Variants in CMIP observed in about 807,000 individuals in gnomAD.
CMIP encodes c-Maf inducing protein.
CMIP carries 13 observed loss-of-function variants against 97.3 expected under a neutral mutation model. That is an observed-to-expected ratio of 0.13 (90% CI 0.09 to 0.21). The LOEUF is 0.21. Ranked by LOEUF, CMIP falls within the 10% of genes least tolerant of loss-of-function variation. The pLI, the probability that CMIP is intolerant of heterozygous loss-of-function variation, is 1.00. For synonymous variants in CMIP, 538 were observed against 436.3 expected (o/e 1.23, Z -2.91); for missense variants, 847 against 1,024.9 (o/e 0.83, Z 2.37).
At chr16:81,662,272 A>G (rs969543431) in intron 6 of CMIP, among the ~76,000 whole-genome samples, 3 of 152,248 alleles carry the variant, frequency 2.0e-5, no homozygotes, top group Non-Finnish European at 4.4e-5. Flanking sequence ...GTCTGGTTCT[A>G]GAACACTGGA....
chr16:81,602,590 G>C (rs1162477337), intron 1 of CMIP, among the ~76,000 whole-genome samples: 2 of 152,158 alleles, frequency 1.3e-5, no homozygotes, highest in Non-Finnish European at 2.9e-5. Flanking sequence ...CCCCTCGCCC[G>C]CCCCAGCGGC....
rs894129906 is a variant in CMIP, at chr16:81,481,293, C to T, written c.300+35752C>T. ...TCACCCTCATCTGGGTGTGCCGGGCCCTGTCTCTGCATGAGCTCCCTCATT... is the reference window on the plus strand; with the variant it reads ...TCACCCTCATCTGGGTGTGCCGGGCTCTGTCTCTGCATGAGCTCCCTCATT... On this transcript the variant is annotated intron_variant, in intron 1 of 20. Coordinates refer to ENST00000537098, the MANE Select transcript of CMIP (RefSeq NM_198390.3). Among the ~76,000 whole-genome samples the T allele has an allele frequency of 2.6e-5, 4 of 152,156 alleles. No individual in the cohort carries two copies. The East Asian group carries it at 7.7e-4, about 29-fold the overall frequency.
intron 2 of CMIP, among the ~76,000 whole-genome samples, chr16:81,613,620 C>G (rs904066949): frequency 1.3e-5 from 2 of 152,170 alleles, no homozygotes; most frequent in African/African-American, 2.4e-5. Context: ...GTGCCTGGTA[C>G]TTAGTAGGTG....
At chr16:81,573,082 G>A (rs1034684929) in intron 1 of CMIP, among the ~76,000 whole-genome samples, 3 of 152,234 alleles carry the variant, frequency 2.0e-5, no homozygotes, top group Non-Finnish European at 4.4e-5. Flanking sequence ...AGTAGCTCAT[G>A]CCTGTAATCC....
intron 1 of CMIP, among the ~76,000 whole-genome samples, chr16:81,477,246 C>T (rs921192721): frequency 6.6e-6 from 1 of 151,932 alleles, no homozygotes; most frequent in Non-Finnish European, 1.5e-5. Flanking sequence ...ACCTCAGCCT[C>T]CTGGGTTCAA....
At position 81,709,803 on chromosome 16, in the gene CMIP, TC is replaced by T. The variant is rs1465410109; in HGVS notation, c.*7del. 5.6e-6 allele frequency: 9 copies of T among 1,613,716 alleles called. No homozygotes were observed. The highest frequency in any genetic ancestry group is 6.8e-6 in the Non-Finnish European group (8 of 1,179,800). Reference sequence around the variant, plus strand: ...CCGCTACACCGAAGCCTGGTGAAGCTCCCAGCTCAAGGCAGGAAGACGTTTG... The same window carrying T: ...CCGCTACACCGAAGCCTGGTGAAGCTCCAGCTCAAGGCAGGAAGACGTTTG... On this transcript the variant is annotated 3_prime_UTR_variant, in exon 21 of 21. Transcript: ENST00000537098.
intron 1 of CMIP, among the ~76,000 whole-genome samples, chr16:81,462,618 G>A (rs776877725): frequency 1.6e-4 from 24 of 152,192 alleles, no homozygotes; most frequent in Non-Finnish European, 3.2e-4. Flanking sequence ...ACTTGCTTGA[G>A]CTGTGTTTAG....
At chr16:81,703,854 AGAG>A (rs1907711648) in intron 17 of CMIP, 82 bp from the exon 18 acceptor site, 2 of 1,470,814 alleles carry the variant, frequency 1.4e-6, no homozygotes, top group Non-Finnish European at 9.0e-7. Flanking sequence ...GGGCGAGGGG[AGAG>A]GAGGAGGATA....
At chr16:81,650,734 T>C (rs559251702) in intron 3 of CMIP, among the ~76,000 whole-genome samples, 4 of 152,248 alleles carry the variant, frequency 2.6e-5, no homozygotes, top group African/African-American at 4.8e-5. Flanking sequence ...TGCGGCTCCA[T>C]AGAGTGGACC....
chr16:81,685,063 G>A (rs561910633), intron 10 of CMIP, among the ~76,000 whole-genome samples: 9 of 152,314 alleles, frequency 5.9e-5, no homozygotes, highest in African/African-American at 2.2e-4. Flanking sequence ...TCCCTTCTTC[G>A]TGGGCCTGCC....
chr16:81,703,746 G>GCCCCT, intron 17 of CMIP, 193 bp from the exon 18 acceptor site: 1 of 666,508 alleles, frequency 1.5e-6, no homozygotes, highest in Non-Finnish European at 2.5e-6. Flanking sequence ...ATGCGTGGCA[G>GCCCCT]CCCCTCCCTC....
intron 10 of CMIP, among the ~76,000 whole-genome samples, chr16:81,686,334 G>T (rs781448805): frequency 1.8e-4 from 28 of 152,214 alleles, no homozygotes; most frequent in Non-Finnish European, 5.9e-5. Context: ...GGGTCTCCAT[G>T]TCCTGACATG....
At chr16:81,575,081 TATA>T (rs1197507284) in intron 1 of CMIP, among the ~76,000 whole-genome samples, 4 of 152,206 alleles carry the variant, frequency 2.6e-5, no homozygotes, top group African/African-American at 9.7e-5. Context: ...TGCCTCGTAA[TATA>T]ATAACTGAGT....
At chr16:81,483,837 T>G (rs1017131940) in intron 1 of CMIP, among the ~76,000 whole-genome samples, 1 of 152,236 alleles carries the variant, frequency 6.6e-6, no homozygotes, top group Non-Finnish European at 1.5e-5. Context: ...CTGCAGCATG[T>G]TATCTGTCCA....
intron 7 of CMIP, among the ~76,000 whole-genome samples, chr16:81,667,766 A>AAGAGAGAGAGAGAG (rs59388984): frequency 4.8e-4 from 41 of 85,194 alleles, no homozygotes; most frequent in South Asian, 1.5e-3. Context: ...GAGGGAGAGA[A>AAGAGAGAGAGAGAG]AGAGAGAGAG....
At position 81,517,901 on chromosome 16, in the gene CMIP, A is replaced by C. The variant is rs3803656; in HGVS notation, c.300+72360A>C. The C allele has an allele frequency of 0.016, 15,833 of 981,204 alleles. 418 individuals carry two copies. In the East Asian group the frequency reaches 0.25, roughly 16 times the overall value. 60.8% of individuals were successfully genotyped at this position (981,204 alleles called of 1,614,324 possible). On this transcript the variant is annotated intron_variant, in intron 1 of 20. Transcript: ENST00000537098. ...CAGTGGCTGCAGACATCTCTTTTCAATGTGGACCTCCTGCCACAGCCACGA... is the reference window on the plus strand; with the variant it reads ...CAGTGGCTGCAGACATCTCTTTTCACTGTGGACCTCCTGCCACAGCCACGA...
At chr16:81,463,364 C>G (rs1460115066) in intron 1 of CMIP, among the ~76,000 whole-genome samples, 1 of 152,208 alleles carries the variant, frequency 6.6e-6, no homozygotes, top group African/African-American at 2.4e-5. Context: ...TGGAATTTTT[C>G]TGGGATAATT....
intron 1 of CMIP, among the ~76,000 whole-genome samples, chr16:81,489,984 C>A (rs975897864): frequency 4.6e-5 from 7 of 152,202 alleles, no homozygotes; most frequent in Non-Finnish European, 4.4e-5. Flanking sequence ...GATATCTTCT[C>A]AGTACCAGCC....
intron 1 of CMIP, among the ~76,000 whole-genome samples, chr16:81,579,887 C>T (rs998298325): frequency 3.9e-5 from 6 of 152,070 alleles, no homozygotes; most frequent in Non-Finnish European, 7.4e-5. Context: ...ACCCGGGAGG[C>T]GGAGCTTGCA....
Sources: allele counts gnomAD v4.1 joint callset (sites outside exome capture counted in the v4.1 genomes callset), GRCh38; gene constraint gnomAD v4.1.1; transcripts MANE v1.5; gene names NCBI Gene and HGNC (gene_info 2026-07-23, HGNC 2026-07-21).